Variants in CMPK1 observed in about 807,000 individuals in gnomAD.
CMPK1 encodes the protein UMP-CMP kinase.
Under a neutral mutation model 25.7 loss-of-function variants are expected in CMPK1, and 10 were observed. The ratio of observed to expected loss-of-function variants is 0.39; its 90% CI spans 0.24 to 0.66. CMPK1 has a LOEUF of 0.66. Ranked by LOEUF, CMPK1 falls within the 30% of genes least tolerant of loss-of-function variation. CMPK1 has a pLI of 0.48. For missense variants in CMPK1, 199 were observed against 280.5 expected, an observed-to-expected ratio of 0.71 and a Z score of 2.08; for synonymous variants, 106 against 101.5, an observed-to-expected ratio of 1.04 and a Z score of -0.27.
intron 1 of CMPK1, among the ~76,000 whole-genome samples, chr1:47,351,175 C>G (rs913000039): frequency 6.6e-6 from 1 of 152,016 alleles, no homozygotes; most frequent in Non-Finnish European, 1.5e-5. Context: ...CCTCCGCCTC[C>G]CAGATTCAAT....
chr1:47,373,836 T>G (rs1646691707), intron 3 of CMPK1, among the ~76,000 whole-genome samples: 1 of 152,106 alleles, frequency 6.6e-6, no homozygotes, highest in Non-Finnish European at 1.5e-5. Flanking sequence ...ATAGCCTGAT[T>G]TGTCTTAAGA....
chr1:47,344,858 A>C lies in CMPK1; in HGVS notation c.171+10742A>C, dbSNP rs912156596. ...GTTTTGCCTCCCTAACTAGAGTGTAATGTCTTTAAGGGTGGGGACCCTGTC... is the reference window on the plus strand; with the variant it reads ...GTTTTGCCTCCCTAACTAGAGTGTACTGTCTTTAAGGGTGGGGACCCTGTC... On this transcript the variant is annotated intron_variant, in intron 1 of 5. Coordinates refer to ENST00000371873, the MANE Select transcript of CMPK1 (RefSeq NM_016308.3). Among the ~76,000 whole-genome samples the C allele has an allele frequency of 1.2e-4, 18 of 151,136 alleles. No individual in the cohort carries two copies. In the Admixed American group the frequency reaches 1.2e-3, roughly 10 times the overall value.
At chr1:47,342,516 T>C (rs1029622549) in intron 1 of CMPK1, among the ~76,000 whole-genome samples, 2 of 152,148 alleles carry the variant, frequency 1.3e-5, no homozygotes, top group African/African-American at 4.8e-5. Flanking sequence ...ACACCAAAAA[T>C]TAACCATCAC....
chr1:47,333,815 C>G lies in CMPK1; in HGVS notation c.-131C>G. The G allele has an allele frequency of 2.4e-6, 1 of 411,194 alleles. No homozygotes were observed. The highest frequency in any genetic ancestry group is 3.3e-6 in the Non-Finnish European group (1 of 303,998). The allele number at this position is 411,194 out of a possible 1,614,324, so 25.5% of individuals were successfully genotyped here. ...CCCTTCCGACAGGGCCGCGGACGCC[C>G]GGGCAGCCACGGCGGCGGGGCCGCG... On this transcript the variant is annotated 5_prime_UTR_variant, in exon 1 of 6. Transcript: ENST00000371873.
intron 3 of CMPK1, among the ~76,000 whole-genome samples, 190 bp from the exon 4 acceptor site, chr1:47,374,719 T>G (rs1646696415): frequency 6.6e-6 from 1 of 152,246 alleles, no homozygotes; most frequent in South Asian, 2.1e-4. Flanking sequence ...TGTACTTATT[T>G]AACCTAGTTT....
intron 1 of CMPK1, among the ~76,000 whole-genome samples, chr1:47,346,494 TTC>T (rs1339037935): frequency 2.6e-5 from 4 of 152,078 alleles, no homozygotes; most frequent in South Asian, 2.1e-4. Context: ...TCTCTTTTCT[TTC>T]TCTCTCTCTT....
In CMPK1 at chr1:47,359,628, A is replaced by T. The variant is rs553094868; in HGVS notation, c.172-8841A>T. Among the ~76,000 whole-genome samples, 16 of 151,720 alleles carry T rather than the reference A, an allele frequency of 1.1e-4. No homozygotes were observed. The South Asian group carries it at 2.9e-3, about 28-fold the overall frequency. On this transcript the variant is annotated intron_variant, in intron 1 of 5. Coordinates refer to ENST00000371873, the MANE Select transcript of CMPK1 (RefSeq NM_016308.3). ...GGTGTCGAACTCCTGACCTCAAGTG[A>T]TCCACCCGTCTCAGCCTCCCAAAGT...
intron 1 of CMPK1, among the ~76,000 whole-genome samples, chr1:47,366,298 T>A (rs1646639524): frequency 6.6e-6 from 1 of 152,244 alleles, no homozygotes. Context: ...TGTTGTTAGT[T>A]ACCCACTAAG....
chr1:47,350,443 G>T (rs536788427), intron 1 of CMPK1, among the ~76,000 whole-genome samples: 60 of 151,878 alleles, frequency 4.0e-4, no homozygotes, highest in Admixed American at 1.5e-3. Flanking sequence ...GTAGAGGTGG[G>T]GTTTCACCAT....
intron 2 of CMPK1, among the ~76,000 whole-genome samples, chr1:47,371,961 C>G (rs967672639): frequency 6.6e-6 from 1 of 152,164 alleles, no homozygotes; most frequent in African/African-American, 2.4e-5. Flanking sequence ...TGGGAATCAT[C>G]CTATATTCTC....
chr1:47,349,633 T>C (rs1646507856), intron 1 of CMPK1, among the ~76,000 whole-genome samples: 1 of 152,226 alleles, frequency 6.6e-6, no homozygotes, highest in Non-Finnish European at 1.5e-5. Context: ...GTGGTAACAT[T>C]GCACCTATAA....
chr1:47,362,910 T>G lies in CMPK1; in HGVS notation c.172-5559T>G, dbSNP rs77105469. On this transcript the variant is annotated intron_variant, in intron 1 of 5. Coordinates refer to ENST00000371873, the MANE Select transcript of CMPK1 (RefSeq NM_016308.3). Reference sequence around the variant, plus strand: ...CTTAATGATAAGCTTCCTTTAAGAGTGATTATAGGAAAAACCCTTTTTTCC... The same window carrying G: ...CTTAATGATAAGCTTCCTTTAAGAGGGATTATAGGAAAAACCCTTTTTTCC... Among the ~76,000 whole-genome samples, 791 of 152,234 alleles carry G rather than the reference T, an allele frequency of 5.2e-3. 2 individuals are homozygous for G. The highest frequency in any genetic ancestry group is 0.03 in the East Asian group (155 of 5,174).
chr1:47,344,033 G>A (rs573522581), intron 1 of CMPK1, among the ~76,000 whole-genome samples: 4 of 150,910 alleles, frequency 2.7e-5, no homozygotes, highest in South Asian at 2.1e-4. Flanking sequence ...ACGCCACTGC[G>A]CTTCAGCCTG....
At chr1:47,345,492 A>ATGTCT (rs761192894) in intron 1 of CMPK1, among the ~76,000 whole-genome samples, 5 of 130,742 alleles carry the variant, frequency 3.8e-5, no homozygotes, top group Non-Finnish European at 3.4e-5. Flanking sequence ...TAGCAATTTA[A>ATGTCT]TTTCTTTTTT....
chr1:47,354,043 G>C (rs1446926872), intron 1 of CMPK1, among the ~76,000 whole-genome samples: 1 of 152,134 alleles, frequency 6.6e-6, no homozygotes, highest in Non-Finnish European at 1.5e-5. Context: ...AAGATGTATA[G>C]GTTGGGCATG....
chr1:47,333,955 C>A lies in CMPK1; in HGVS notation c.10C>A (p.Arg4Ser), dbSNP rs760871619. 1.3e-6 allele frequency: 2 copies of A among 1,484,188 alleles called. No individual in the cohort carries two copies. Among genetic ancestry groups the A allele is most frequent in the East Asian group, 5.6e-5 (2 of 35,412 alleles). 91.9% of individuals were successfully genotyped at this position (1,484,188 alleles called of 1,614,324 possible). A position where few individuals can be genotyped will look rare whatever the true frequency, so the allele number is the denominator to read the frequency against. The change falls in exon 1 of 6, where the codon CGC becomes AGC. Residue 4 changes from arginine (R) to serine (S), a missense_variant. Around this residue, in one of 2 missense-constraint regions of CMPK1, gnomAD observed 59 missense variants for 45.1 expected, o/e 1.31. Coordinates refer to ENST00000371873, the MANE Select transcript of CMPK1 (RefSeq NM_016308.3). ...GGCCGAGGCGCGGTGTATGCTGAGC[C>A]GCTGCCGCAGCGGGCTGCTCCACGT... is the stretch of plus-strand genomic sequence containing the variant. Reference protein sequence around the residue: MLSRCRSGLLHVLG... With the variant: MLSSCRSGLLHVLG...
intron 1 of CMPK1, among the ~76,000 whole-genome samples, chr1:47,334,899 A>G (rs1646384942): frequency 6.6e-6 from 1 of 152,230 alleles, no homozygotes; most frequent in Non-Finnish European, 1.5e-5. Context: ...CTCAGGATAT[A>G]AAACACCTCC....
At chr1:47,350,984 T>G (rs905797447) in intron 1 of CMPK1, among the ~76,000 whole-genome samples, 1 of 152,178 alleles carries the variant, frequency 6.6e-6, no homozygotes, top group Admixed American at 6.5e-5. Flanking sequence ...TCTAATCTAC[T>G]GTCTCTACGA....
intron 1 of CMPK1, among the ~76,000 whole-genome samples, chr1:47,348,634 C>T (rs900616989): frequency 6.6e-6 from 1 of 152,156 alleles, no homozygotes; most frequent in Admixed American, 6.5e-5. Context: ...CCAGAAGACC[C>T]ATAAGCTGGT....
Sources: gnomAD v4.1 joint callset for allele counts (sites outside exome capture counted in the v4.1 genomes callset) on GRCh38, gnomAD v4.1.1 for gene constraint, gnomAD v4.1.1 regional missense constraint, MANE v1.5 for transcripts, NCBI Gene and HGNC (gene_info 2026-07-23, HGNC 2026-07-21) for gene names.